TKT: variants seen among roughly 807,000 people sequenced by gnomAD.
TKT encodes the protein transketolase, also known as epididymis luminal protein 107.
In TKT, 47 loss-of-function variants were observed where a neutral mutation model predicts 63.9. That is an observed-to-expected ratio of 0.74 (90% CI 0.58 to 0.94). The LOEUF is 0.94. Ranked by LOEUF, TKT falls within the 40% of genes least tolerant of loss-of-function variation. The pLI is 0.00. For synonymous variants in TKT, 338 were observed against 334.1 expected (o/e 1.01, Z -0.13); for missense variants, 721 against 846.2 (o/e 0.85, Z 1.84).
chr3:53,226,985 C>T, intron 12 of TKT, 107 bp from the exon 13 acceptor site: 1 of 1,398,370 alleles, frequency 7.2e-7, no homozygotes, highest in Non-Finnish European at 9.6e-7. Flanking sequence ...GCTAAGAGCT[C>T]AGCCTGCGGG....
At position 53,225,518 on chromosome 3, in the gene TKT, G is replaced by A. The variant is rs1704458304; in HGVS notation, c.*238C>T. On this transcript the variant is annotated 3_prime_UTR_variant, in exon 14 of 14. Coordinates refer to ENST00000462138, the MANE Select transcript of TKT (RefSeq NM_001064.4). ...TGAGGGCAGTTGCAGGTGATTCCAA[G>A]GGGACTTGGGACACCCAGGTCCTGG... is the stretch of plus-strand genomic sequence containing the variant. 1 of 393,580 alleles carries A rather than the reference G, an allele frequency of 2.5e-6. No homozygotes were observed. Among genetic ancestry groups the A allele is most frequent in the African/African-American group, 2.0e-5 (1 of 48,844 alleles). The allele number at this position is 393,580 out of a possible 1,614,324, so 24.4% of individuals were successfully genotyped here. A position where few individuals can be genotyped will look rare whatever the true frequency, so the allele number is the denominator to read the frequency against.
At chr3:53,226,954 AC>A (rs1426383058) in intron 12 of TKT, 76 bp from the exon 13 acceptor site, 1 of 1,526,100 alleles carries the variant, frequency 6.6e-7, no homozygotes, top group Admixed American at 2.0e-5. Context: ...GCCTGGTGGG[AC>A]ATCCTGAGGG....
In TKT at chr3:53,235,072, G is replaced by A; in HGVS notation, c.540C>T (p.Ala180=). The A allele has an allele frequency of 6.2e-7, 1 of 1,613,888 alleles. No homozygotes were observed. Among genetic ancestry groups the A allele is most frequent in the African/African-American group, 1.3e-5 (1 of 74,924 alleles). ...GGCCCAGGCGATTGATGTCTAGAAT[G>A]GCCACAAGGTTGTCCAGCTTATAGA... is the stretch of plus-strand genomic sequence containing the variant. The part of the protein sequence containing the change: ...ASIYKLDNLV[A]ILDINRLGQS... Residue 180 remains alanine, a synonymous_variant, in exon 5 of 14, where the codon GCC becomes GCT. Transcript: ENST00000462138.
intron 1 of TKT, among the ~76,000 whole-genome samples, chr3:53,246,085 T>A (rs1489432749): frequency 6.6e-6 from 1 of 151,950 alleles, no homozygotes; most frequent in African/African-American, 2.4e-5. Flanking sequence ...CTGGCCAACA[T>A]GGTGAAACCC....
rs782588141 is a variant in TKT at position 53,229,366 on chromosome 3, A to C, written c.1178T>G (p.Phe393Cys). 4 of 1,613,578 alleles carry C rather than the reference A, an allele frequency of 2.5e-6. No homozygotes were observed. The highest frequency in any genetic ancestry group is 3.4e-6 in the Non-Finnish European group (4 of 1,179,802). ...GCGAATCTGGTCAAAGGCCCGCGTG[A>C]AGAAGGCTGCAAAAGTGCTGCAGAA... ...VPFCSTFAAF[F>C]TRAFDQIRMA... Residue 393 changes from phenylalanine (F) to cysteine (C), a missense_variant, in exon 9 of 14, where the codon TTC becomes TGC. Phe to Cys is a radical substitution (Grantham distance 205). Coordinates refer to ENST00000462138, the MANE Select transcript of TKT (RefSeq NM_001064.4).
chr3:53,256,010 G>A lies in TKT; in HGVS notation c.-68C>T. 1 of 1,162,814 alleles carries A rather than the reference G, an allele frequency of 8.6e-7. No homozygotes were observed. The highest frequency in any genetic ancestry group is 1.1e-6 in the Non-Finnish European group (1 of 877,768). The allele number at this position is 1,162,814 out of a possible 1,614,324, so 72.0% of individuals were successfully genotyped here. ...GATAGCGGCTGCTCCCGCGGCGACA[G>A]GCGGCTGCCGAGGCCGGGCGCGGGG... On this transcript the variant is annotated 5_prime_UTR_variant, in exon 1 of 14. Coordinates refer to ENST00000462138, the MANE Select transcript of TKT (RefSeq NM_001064.4).
Position 53,235,087 on chromosome 3 carries a change from C to T in TKT, c.525G>A (p.Leu175=), listed in dbSNP as rs1704954627. 1.3e-5 allele frequency: 21 copies of T among 1,613,986 alleles called. No individual in the cohort carries two copies. The highest frequency in any genetic ancestry group is 1.6e-5 in the Non-Finnish European group (19 of 1,180,024). The part of the protein sequence containing the change: ...EAMAFASIYK[L]DNLVAILDIN... ...TGTCTAGAATGGCCACAAGGTTGTCCAGCTTATAGATGCTGGCGAAGGCCA... is the reference window on the plus strand; with the variant it reads ...TGTCTAGAATGGCCACAAGGTTGTCTAGCTTATAGATGCTGGCGAAGGCCA... The change falls in exon 5 of 14, where the codon CTG becomes CTA. Residue 175 remains leucine (L), a synonymous_variant. Transcript: ENST00000462138.
chr3:53,227,659 G>T, intron 12 of TKT: 1 of 195,128 alleles, frequency 5.1e-6, no homozygotes, highest in Non-Finnish European at 1.1e-5. Flanking sequence ...CCTCAGGAGA[G>T]CTCTGAGGGC....
rs1204236713 is a variant in TKT, at chr3:53,228,343, C to T, written c.1412G>A (p.Arg471Gln). The T allele has an allele frequency of 3.1e-6, 5 of 1,613,950 alleles. No homozygotes were observed. Among genetic ancestry groups the T allele is most frequent in the East Asian group, 2.2e-5 (1 of 44,888 alleles). The part of the protein sequence containing the change: ...AANTKGICFI[R>Q]TSRPENAIIY... ...GATGGCATTTTCTGGGCGGCTGGTCCGGATGAAGCAGATACCCTGAGACCG... is the reference window on the plus strand; with the variant it reads ...GATGGCATTTTCTGGGCGGCTGGTCTGGATGAAGCAGATACCCTGAGACCG... The change falls in exon 11 of 14, where the codon CGG (arginine) becomes CAG (glutamine). Residue 471 changes from arginine (R) to glutamine (Q), a missense_variant. By Grantham distance (43) the Arg-to-Gln change is conservative. Coordinates refer to ENST00000462138, the MANE Select transcript of TKT (RefSeq NM_001064.4).
intron 1 of TKT, among the ~76,000 whole-genome samples, chr3:53,250,908 A>G (rs542234723): frequency 6.6e-6 from 1 of 152,156 alleles, no homozygotes; most frequent in East Asian, 1.9e-4. Flanking sequence ...CAGCCTCCCA[A>G]GTAGCTGGGA....
intron 4 of TKT, 144 bp from the exon 5 acceptor site, chr3:53,235,318 G>A (rs1704975134): frequency 4.4e-6 from 3 of 681,314 alleles, no homozygotes; most frequent in African/African-American, 1.8e-5. Context: ...TACACTCGAG[G>A]GGCAACAGTG....
intron 1 of TKT, among the ~76,000 whole-genome samples, chr3:53,248,587 C>T (rs1705615199): frequency 6.6e-6 from 1 of 152,090 alleles, no homozygotes; most frequent in African/African-American, 2.4e-5. Flanking sequence ...CATGACTGTG[C>T]CATTGCACTC....
Position 53,255,950 on chromosome 3 carries a change from C to A in TKT, c.-8G>T, listed in dbSNP as rs1553682235. ...CTTGTGGTAGCTCTCCATGGTGCGGCAGGCGGGGACCGGGCGCACACGCGG... is the reference window on the plus strand; with the variant it reads ...CTTGTGGTAGCTCTCCATGGTGCGGAAGGCGGGGACCGGGCGCACACGCGG... On this transcript the variant is annotated 5_prime_UTR_variant, in exon 1 of 14. Coordinates refer to ENST00000462138, the MANE Select transcript of TKT (RefSeq NM_001064.4). The A allele has an allele frequency of 1.3e-6, 2 of 1,509,464 alleles. No homozygotes were observed. Among genetic ancestry groups the A allele is most frequent in the Non-Finnish European group, 1.8e-6 (2 of 1,124,696 alleles). The allele number at this position is 1,509,464 out of a possible 1,614,324, so 93.5% of individuals were successfully genotyped here. A position where few individuals can be genotyped will look rare whatever the true frequency, so the allele number is the denominator to read the frequency against.
Position 53,231,371 on chromosome 3 carries a change from TG to T in TKT, c.927del (p.Tyr309Ter). 4 of 1,613,472 alleles carry T rather than the reference TG, an allele frequency of 2.5e-6. No individual in the cohort carries two copies. Among genetic ancestry groups the T allele is most frequent in the Non-Finnish European group, 3.4e-6 (4 of 1,179,994 alleles). ...CCACTTTGTACCTTGTCCCCAACTT[TG>T]TAGCTGGGCAGGCTGGGCATGCGGA... is the stretch of plus-strand genomic sequence containing the variant. ...ANIRMPSLPS[Y>X]KVGDKIATRK... is the part of the protein sequence containing the mutation. On this transcript the variant is annotated frameshift_variant, in exon 7 of 14. Coordinates refer to ENST00000462138, the MANE Select transcript of TKT (RefSeq NM_001064.4). LOFTEE classifies it high-confidence loss of function.
At chr3:53,236,585 C>T (rs1315101032) in intron 4 of TKT, among the ~76,000 whole-genome samples, 30 of 152,158 alleles carry the variant, frequency 2.0e-4, no homozygotes, top group African/African-American at 7.0e-4. Context: ...TGGTCTGGCA[C>T]AGCAGCTCCA....
rs1704714862 is a variant in TKT, at chr3:53,230,687, G to A, written c.943-66C>T. On this transcript the variant is annotated intron_variant, in intron 7 of 13. Coordinates refer to ENST00000462138, the MANE Select transcript of TKT (RefSeq NM_001064.4). ...GGTGAGTGCACACCTGCAGCCTGGA[G>A]CCCTGCTTTCAGAGAAGGATTAAAA... The A allele has an allele frequency of 1.9e-6, 3 of 1,579,932 alleles. No homozygotes were observed. The African/African-American group carries it at 4.1e-5, about 21-fold the overall frequency.
In TKT at chr3:53,225,567, C is replaced by T. The variant is rs1285212784; in HGVS notation, c.*189G>A. On this transcript the variant is annotated 3_prime_UTR_variant, in exon 14 of 14. Transcript: ENST00000462138. ...GGCCCAGGACCAAGGACACCAGCCTCCCTAGCGCACCCTCCACGCTTCTTC... is the reference window on the plus strand; with the variant it reads ...GGCCCAGGACCAAGGACACCAGCCTTCCTAGCGCACCCTCCACGCTTCTTC... The T allele has an allele frequency of 1.6e-6, 1 of 616,206 alleles. No individual in the cohort carries two copies. The highest frequency in any genetic ancestry group is 2.5e-6 in the Non-Finnish European group (1 of 392,456). The allele number at this position is 616,206 out of a possible 1,614,324, so 38.2% of individuals were successfully genotyped here.
intron 4 of TKT, among the ~76,000 whole-genome samples, chr3:53,239,770 G>A (rs952129769): frequency 2.0e-5 from 3 of 152,166 alleles, no homozygotes; most frequent in African/African-American, 7.2e-5. Context: ...GATAGGAGGT[G>A]GCTTACAGGT....
chr3:53,254,461 C>T (rs1469191433), intron 1 of TKT, among the ~76,000 whole-genome samples: 1 of 151,676 alleles, frequency 6.6e-6, no homozygotes, highest in Non-Finnish European at 1.5e-5. Flanking sequence ...AACAGGGTGT[C>T]TTAGAGGCAC....
Sources: gnomAD v4.1 joint callset for allele counts (sites outside exome capture counted in the v4.1 genomes callset) on GRCh38, gnomAD v4.1.1 for gene constraint, MANE v1.5 for transcripts, NCBI Gene and HGNC (gene_info 2026-07-23, HGNC 2026-07-21) for gene names.